HSDL2: variants seen among roughly 807,000 people sequenced by gnomAD.
The protein encoded by HSDL2 is hydroxysteroid dehydrogenase-like protein 2.
In HSDL2, 27 loss-of-function variants were observed where a neutral mutation model predicts 46.3. The ratio of observed to expected loss-of-function variants is 0.58; its 90% CI spans 0.43 to 0.80. The LOEUF (loss-of-function observed/expected upper bound fraction) is 0.80, where lower values mean the gene tolerates loss of function less well. HSDL2 is among the 30% of genes least tolerant of loss of function. HSDL2 has a pLI of 0.00. For missense variants in HSDL2, 451 were observed against 502.7 expected (o/e 0.90, Z 0.98); for synonymous variants, 153 against 163.6 (o/e 0.94, Z 0.50).
At position 112,440,615 on chromosome 9, in the gene HSDL2, G is replaced by A. The variant is rs371143373; in HGVS notation, c.794-1084G>A. ...AGGCTGTGTGCAGTGGCTCACACCT[G>A]TAATCCCAGCACTTTGGGAGGCCAA... is the stretch of plus-strand genomic sequence containing the variant. On this transcript the variant is annotated intron_variant, in intron 7 of 10. Coordinates refer to ENST00000398805, the MANE Select transcript of HSDL2 (RefSeq NM_032303.5). Among the ~76,000 whole-genome samples the A allele has an allele frequency of 3.3e-5, 5 of 152,284 alleles. No homozygotes were observed. In the East Asian group the frequency reaches 9.6e-4, roughly 29 times the overall value.
chr9:112,433,663 G>C (rs1296570376), intron 6 of HSDL2, among the ~76,000 whole-genome samples: 3 of 152,130 alleles, frequency 2.0e-5, no homozygotes, highest in Non-Finnish European at 4.4e-5. Context: ...ATGGAGGAGT[G>C]AAAATGGATT....
intron 1 of HSDL2, among the ~76,000 whole-genome samples, chr9:112,384,748 G>T (rs768057014): frequency 1.2e-4 from 18 of 150,442 alleles, no homozygotes; most frequent in Non-Finnish European, 1.9e-4. Context: ...AACAAAAACA[G>T]AGTTTAGCTT....
At chr9:112,400,131 C>A (rs1443809245) in intron 1 of HSDL2, among the ~76,000 whole-genome samples, 1 of 152,190 alleles carries the variant, frequency 6.6e-6, no homozygotes, top group Non-Finnish European at 1.5e-5. Flanking sequence ...CGACCATTAA[C>A]ATGGGAACAA....
chr9:112,405,469 T>C (rs1303942020), intron 2 of HSDL2, among the ~76,000 whole-genome samples, 155 bp from the exon 3 acceptor site: 1 of 152,254 alleles, frequency 6.6e-6, no homozygotes, highest in Non-Finnish European at 1.5e-5. Flanking sequence ...AGCTAGTCTG[T>C]CCTGCTATAT....
intron 7 of HSDL2, among the ~76,000 whole-genome samples, chr9:112,441,392 T>G (rs1404886204): frequency 6.6e-6 from 1 of 152,042 alleles, no homozygotes; most frequent in African/African-American, 2.4e-5. Context: ...TTCGGAAGAA[T>G]GTGGGCCAGA....
At chr9:112,385,753 A>T (rs2132590323) in intron 1 of HSDL2, among the ~76,000 whole-genome samples, 1 of 151,560 alleles carries the variant, frequency 6.6e-6, no homozygotes, top group South Asian at 2.1e-4. Context: ...TCAGCCTCCC[A>T]AAGTGCTCGG....
intron 4 of HSDL2, among the ~76,000 whole-genome samples, chr9:112,414,634 T>C (rs143737177): frequency 5.6e-4 from 86 of 152,322 alleles, no homozygotes; most frequent in African/African-American, 2.0e-3. Flanking sequence ...AAATGAGCTC[T>C]TTCCTTTGAG....
intron 6 of HSDL2, among the ~76,000 whole-genome samples, chr9:112,431,468 G>A (rs372849529): frequency 5.9e-5 from 9 of 152,236 alleles, no homozygotes; most frequent in East Asian, 3.9e-4. Flanking sequence ...GATGAAAGCC[G>A]ACTGAAGAAG....
intron 6 of HSDL2, among the ~76,000 whole-genome samples, chr9:112,423,653 T>G (rs1030063823): frequency 3.3e-5 from 5 of 151,402 alleles, no homozygotes; most frequent in Non-Finnish European, 7.4e-5. Context: ...ATGGGAACAT[T>G]AGGGAAGGGA....
In HSDL2 at chr9:112,451,680, G is replaced by A. The variant is rs115970594; in HGVS notation, c.866-2333G>A. On this transcript the variant is annotated intron_variant, in intron 8 of 10. Transcript: ENST00000398805. ...CTAGTCAGTTTTCTTTTAAGTCTGC[G>A]TCTGGCTTGGTGTCATGGTAATACT... is the stretch of plus-strand genomic sequence containing the variant. Among the ~76,000 whole-genome samples the A allele has an allele frequency of 7.4e-3, 1,114 of 151,316 alleles. 17 individuals are homozygous for A. The highest frequency in any genetic ancestry group is 0.025 in the African/African-American group (1,042 of 41,262).
At chr9:112,454,582 G>A (rs3849129) in intron 9 of HSDL2, among the ~76,000 whole-genome samples, 1 of 152,212 alleles carries the variant, frequency 6.6e-6, no homozygotes, top group Non-Finnish European at 1.5e-5. Flanking sequence ...AGGGCATATG[G>A]ATCATGACAG....
rs1833592985 is a variant in HSDL2, at chr9:112,472,187, T to G, written c.*1643T>G. ...TCAACGTGAGCAAGCGTGATTATGA[T>G]GAGGAAGCCCCCTCTGCTTTAATCC... On this transcript the variant is annotated 3_prime_UTR_variant, in exon 11 of 11. Coordinates refer to ENST00000398805, the MANE Select transcript of HSDL2 (RefSeq NM_032303.5). The G allele has an allele frequency of 6.6e-6, 1 of 152,234 alleles. No homozygotes were observed. Among genetic ancestry groups the G allele is most frequent in the African/African-American group, 2.4e-5 (1 of 41,464 alleles). The allele number at this position is 152,234 out of a possible 1,614,324, so 9.4% of individuals were successfully genotyped here. A position where few individuals can be genotyped will look rare whatever the true frequency, so the allele number is the denominator to read the frequency against.
chr9:112,444,953 C>G (rs1479544446), intron 8 of HSDL2, among the ~76,000 whole-genome samples: 1 of 151,458 alleles, frequency 6.6e-6, no homozygotes, highest in African/African-American at 2.4e-5. Context: ...TCATAGCCCA[C>G]TGCAGCCCTC....
intron 6 of HSDL2, among the ~76,000 whole-genome samples, chr9:112,436,902 G>A (rs1832535330): frequency 6.6e-6 from 1 of 151,374 alleles, no homozygotes; most frequent in Admixed American, 6.6e-5. Context: ...CCCTGGATAG[G>A]GAAATTATAA....
At chr9:112,419,125 C>CA (rs1485613447) in intron 6 of HSDL2, among the ~76,000 whole-genome samples, 167 bp downstream of exon 6, 1 of 152,162 alleles carries the variant, frequency 6.6e-6, no homozygotes, top group East Asian at 1.9e-4. Flanking sequence ...TCTTGTGCCT[C>CA]AGCCTCCCAA....
intron 6 of HSDL2, among the ~76,000 whole-genome samples, chr9:112,432,439 T>G (rs1330408804): frequency 6.6e-6 from 1 of 152,240 alleles, no homozygotes; most frequent in African/African-American, 2.4e-5. Flanking sequence ...ATTGTAGACA[T>G]TCAATAAATA....
chr9:112,387,276 G>C (rs1374471523), intron 1 of HSDL2, among the ~76,000 whole-genome samples: 4 of 151,376 alleles, frequency 2.6e-5, no homozygotes. Flanking sequence ...CTGGAGTGCA[G>C]TGGTGTGAAA....
intron 6 of HSDL2, among the ~76,000 whole-genome samples, chr9:112,428,962 G>A (rs1030245814): frequency 3.9e-5 from 6 of 152,122 alleles, no homozygotes; most frequent in African/African-American, 9.7e-5. Context: ...GCAGTGGTGC[G>A]ATCTTGGCTC....
rs1454784538 is a variant in HSDL2 at position 112,404,148 on chromosome 9, T to G, written c.171T>G (p.Ala57=). The change falls in exon 2 of 11, where the codon GCT becomes GCG. Residue 57 remains alanine (A), a synonymous_variant. Transcript: ENST00000398805. ...HPKLLGTIYT[A]AEEIEAVGGK... ...AACTTCTAGGCACAATCTATACTGC[T>G]GCTGAAGAAAGTGAGTGTGACAGTG... 2 of 1,613,730 alleles carry G rather than the reference T, an allele frequency of 1.2e-6. No homozygotes were observed. Among genetic ancestry groups the G allele is most frequent in the African/African-American group, 2.7e-5 (2 of 74,918 alleles).
Sources: gnomAD v4.1 joint callset for allele counts (sites outside exome capture counted in the v4.1 genomes callset) on GRCh38, gnomAD v4.1.1 for gene constraint, MANE v1.5 for transcripts, NCBI Gene and HGNC (gene_info 2026-07-23, HGNC 2026-07-21) for gene names.